The following CTNNA3 variants were observed in gnomAD, a reference collection of about 807,000 sequenced individuals.
The protein encoded by CTNNA3 is catenin alpha 3.
A neutral mutation model predicts 95.7 loss-of-function variants in CTNNA3; 76 were observed. The observed-to-expected ratio is 0.79, with a 90% CI of 0.66 to 0.96. CTNNA3 has a LOEUF of 0.96. Among genes scored for constraint, CTNNA3 ranks in the 40% least tolerant of loss-of-function variants. The pLI, the probability that CTNNA3 is intolerant of heterozygous loss-of-function variation, is 0.00. For missense variants in CTNNA3, 1,191 were observed against 1,089.8 expected (o/e 1.09, Z -1.31); for synonymous variants, 431 against 374.4 (o/e 1.15, Z -1.74).
chr10:66,226,309 G>A (rs868066571), intron 13 of CTNNA3, among the ~76,000 whole-genome samples: 32 of 152,158 alleles, frequency 2.1e-4, no homozygotes, highest in Admixed American at 1.8e-3. Flanking sequence ...TGAAAAGGCT[G>A]CCATTTTCCC....
At chr10:67,339,795 G>A (rs1842114126) in intron 5 of CTNNA3, among the ~76,000 whole-genome samples, 1 of 152,084 alleles carries the variant, frequency 6.6e-6, no homozygotes, top group African/African-American at 2.4e-5. Flanking sequence ...AGAAATTATT[G>A]TTGTTCTAGC....
intron 17 of CTNNA3, among the ~76,000 whole-genome samples, chr10:65,954,621 C>A (rs1040444578): frequency 1.3e-5 from 2 of 152,142 alleles, no homozygotes; most frequent in Non-Finnish European, 2.9e-5. Flanking sequence ...CCAGTTTTCC[C>A]AGCACCATTT....
intron 7 of CTNNA3, among the ~76,000 whole-genome samples, chr10:66,862,194 A>T (rs898855246): frequency 1.3e-5 from 2 of 152,202 alleles, no homozygotes; most frequent in African/African-American, 2.4e-5. Flanking sequence ...AACCTGGGCA[A>T]CAGAGCGAGA....
At chr10:66,358,397 C>T (rs538839883) in intron 12 of CTNNA3, among the ~76,000 whole-genome samples, 1 of 152,222 alleles carries the variant, frequency 6.6e-6, no homozygotes, top group African/African-American at 2.4e-5. Flanking sequence ...TGGGGTTATC[C>T]TTCAAACTCT....
Position 67,118,698 on chromosome 10 carries a change from A to G in CTNNA3, c.1047+61619T>C, listed in dbSNP as rs139341217. Among the ~76,000 whole-genome samples, 19 of 152,054 alleles carry G rather than the reference A, an allele frequency of 1.2e-4. 1 individual carries two copies. The highest frequency in any genetic ancestry group is 4.3e-4 in the African/African-American group (18 of 41,550). On this transcript the variant is annotated intron_variant, in intron 7 of 17. Transcript: ENST00000433211. ...ATCTAAAGCACAGTAGTAATAGAATAAAAATGATATTAATAAAAATATTTG... is the reference window on the plus strand; with the variant it reads ...ATCTAAAGCACAGTAGTAATAGAATGAAAATGATATTAATAAAAATATTTG...
At chr10:67,365,645 T>A (rs1407160578) in intron 5 of CTNNA3, among the ~76,000 whole-genome samples, 1 of 152,170 alleles carries the variant, frequency 6.6e-6, no homozygotes, top group Non-Finnish European at 1.5e-5. Context: ...TCACTGGTCA[T>A]CAGAGAAATG....
chr10:66,686,080 G>A (rs10740251), intron 9 of CTNNA3, among the ~76,000 whole-genome samples: 83,718 of 151,440 alleles, frequency 0.55, 23,824 homozygotes, highest in African/African-American at 0.68. Context: ...ACTAGCTTAC[G>A]CCAATACAGG....
intron 2 of CTNNA3, among the ~76,000 whole-genome samples, chr10:67,627,341 G>T (rs1176252600): frequency 2.0e-5 from 3 of 152,128 alleles, no homozygotes; most frequent in Admixed American, 6.5e-5. Flanking sequence ...GTGCCACATG[G>T]GTACTCAGAA....
chr10:67,058,293 AT>A (rs1406588533), intron 7 of CTNNA3, among the ~76,000 whole-genome samples: 1 of 152,202 alleles, frequency 6.6e-6, no homozygotes, highest in African/African-American at 2.4e-5. Flanking sequence ...CTATCACATC[AT>A]TCTTACTAGA....
chr10:65,948,762 T>A (rs969718657), intron 17 of CTNNA3, among the ~76,000 whole-genome samples: 2 of 152,234 alleles, frequency 1.3e-5, no homozygotes, highest in African/African-American at 4.8e-5. Flanking sequence ...GTTATTCATG[T>A]TACCATTTGT....
At chr10:66,458,588 TC>T (rs2093509399) in intron 11 of CTNNA3, among the ~76,000 whole-genome samples, 1 of 152,170 alleles carries the variant, frequency 6.6e-6, no homozygotes, top group South Asian at 2.1e-4. Flanking sequence ...CTTTCCATTC[TC>T]CCCTCCCCAG....
intron 7 of CTNNA3, among the ~76,000 whole-genome samples, chr10:66,810,613 C>T (rs1054079761): frequency 2.7e-5 from 4 of 150,854 alleles, no homozygotes; most frequent in Non-Finnish European, 5.9e-5. Context: ...AACTCCAACA[C>T]TTCAGCTAGA....
intron 3 of CTNNA3, among the ~76,000 whole-genome samples, chr10:67,576,947 C>G (rs1162056005): frequency 7.3e-5 from 10 of 136,780 alleles, no homozygotes; most frequent in African/African-American, 3.2e-4. Flanking sequence ...TTAATCCAGT[C>G]TATCATTGTT....
chr10:65,927,228 A>C (rs2077181609), intron 17 of CTNNA3, among the ~76,000 whole-genome samples: 1 of 152,152 alleles, frequency 6.6e-6, no homozygotes, highest in Non-Finnish European at 1.5e-5. Flanking sequence ...GTAAATGAGG[A>C]CTTACTAGTC....
intron 7 of CTNNA3, among the ~76,000 whole-genome samples, chr10:67,052,432 C>T (rs943977298): frequency 9.2e-5 from 14 of 151,942 alleles, no homozygotes; most frequent in South Asian, 2.1e-4. Context: ...AGGCCTAGAA[C>T]GAAATGGGCT....
chr10:66,211,835 G>A (rs765276342), intron 13 of CTNNA3, among the ~76,000 whole-genome samples: 1 of 152,092 alleles, frequency 6.6e-6, no homozygotes, highest in South Asian at 2.1e-4. Context: ...CAACAGGCAA[G>A]TTTTTCTTCA....
chr10:65,981,234 G>C (rs973848413), intron 16 of CTNNA3, among the ~76,000 whole-genome samples: 9 of 151,366 alleles, frequency 5.9e-5, no homozygotes, highest in Admixed American at 1.3e-4. Context: ...GAACTCAACC[G>C]TTTTTTTACA....
intron 17 of CTNNA3, among the ~76,000 whole-genome samples, chr10:65,930,657 TA>T (rs2077239139): frequency 6.6e-6 from 1 of 152,122 alleles, no homozygotes; most frequent in African/African-American, 2.4e-5. Context: ...TGAGTATGCT[TA>T]AAAAATAAAG....
chr10:67,750,319 G>A, intron 1 of CTNNA3: 1 of 1,525,964 alleles, frequency 6.6e-7, no homozygotes, highest in South Asian at 1.1e-5. Flanking sequence ...CCAAAGCCAA[G>A]ATGCCCATTG....
Sources: allele counts gnomAD v4.1 joint callset (sites outside exome capture counted in the v4.1 genomes callset), GRCh38; gene constraint gnomAD v4.1.1; transcripts MANE v1.5; gene names NCBI Gene and HGNC (gene_info 2026-07-23, HGNC 2026-07-21).